The following ADAR variants were observed in gnomAD, a reference collection of about 807,000 sequenced individuals.
ADAR encodes the protein adenosine deaminase RNA specific.
Under a neutral mutation model 113.2 loss-of-function variants are expected in ADAR, and 41 were observed. That is an observed-to-expected ratio of 0.36 (90% confidence interval 0.28 to 0.47). ADAR has a LOEUF of 0.47. Among genes scored for constraint, ADAR ranks in the 20% least tolerant of loss-of-function variants. ADAR has a pLI of 1.00. For synonymous variants in ADAR, 605 were observed against 572.6 expected, an observed-to-expected ratio of 1.06 and a Z score of -0.81; for missense variants, 1,242 against 1,540.9, an observed-to-expected ratio of 0.81 and a Z score of 3.25.
chr1:154,588,233 G>A lies in ADAR; in HGVS notation c.2911C>T (p.Leu971Phe). Residue 971 changes from leucine (L) to phenylalanine (F), a missense_variant, in exon 11 of 15, where the codon CTC becomes TTC. Leu to Phe is a conservative substitution (Grantham distance 22). Coordinates refer to ENST00000368474, the MANE Select transcript of ADAR (RefSeq NM_001111.5). ...ISTAPCGDGA[L>F]FDKSCSDRAM... Reference sequence around the variant, plus strand: ...CGGTCGCTGCAGGACTTGTCAAAGAGGGCGCCATCTCCACACGGAGCAGTG... The same window carrying A: ...CGGTCGCTGCAGGACTTGTCAAAGAAGGCGCCATCTCCACACGGAGCAGTG... 6.2e-7 allele frequency: 1 copy of A among 1,614,156 alleles called. No homozygotes were observed. The highest frequency in any genetic ancestry group is 8.5e-7 in the Non-Finnish European group (1 of 1,180,044).
chr1:154,593,355 CCT>C (rs1442178597), intron 6 of ADAR, among the ~76,000 whole-genome samples: 2 of 152,294 alleles, frequency 1.3e-5, no homozygotes. Flanking sequence ...GCAGCAGTGT[CCT>C]CTGTGTCCCC....
Position 154,597,250 on chromosome 1 carries a change from G to T in ADAR, c.1952C>A (p.Ala651Glu). Residue 651 changes from alanine (A) to glutamate (E), a missense_variant, in exon 5 of 15, where the codon GCA (alanine) becomes GAA (glutamate). This residue lies in a region of ADAR where 780 missense variants were observed against 1,057.9 expected (regional missense o/e 0.74). Coordinates refer to ENST00000368474, the MANE Select transcript of ADAR (RefSeq NM_001111.5). ...AHEPKFQYCV[A>E]VGAQTFPSVS... ...ACTGGGGAAAGTTTGGGCTCCCACTGCAACACAGTATTGGAACCTGACAGG... is the reference window on the plus strand; with the variant it reads ...ACTGGGGAAAGTTTGGGCTCCCACTTCAACACAGTATTGGAACCTGACAGG... 6.2e-7 allele frequency: 1 copy of T among 1,614,192 alleles called. No individual in the cohort carries two copies. The highest frequency in any genetic ancestry group is 1.3e-5 in the African/African-American group (1 of 75,040).
At chr1:154,587,309 G>C (rs922342914) in intron 11 of ADAR, among the ~76,000 whole-genome samples, 2 of 152,156 alleles carry the variant, frequency 1.3e-5, no homozygotes, top group Non-Finnish European at 2.9e-5. Context: ...CATATTGTAA[G>C]CATGTATCAG....
chr1:154,598,370 C>A (rs754942641), intron 3 of ADAR, 32 bp downstream of exon 3: 2 of 1,608,752 alleles, frequency 1.2e-6, no homozygotes, highest in Non-Finnish European at 1.7e-6. Context: ...TGACAGGGAA[C>A]TGATCCTCCC....
At chr1:154,624,401 T>C (rs1471464005) in intron 1 of ADAR, among the ~76,000 whole-genome samples, 9 of 152,144 alleles carry the variant, frequency 5.9e-5, no homozygotes, top group Non-Finnish European at 1.2e-4. Flanking sequence ...CCAGAGGGTA[T>C]AGAAGCAGCA....
chr1:154,621,989 T>G (rs1698801898), intron 1 of ADAR, among the ~76,000 whole-genome samples: 1 of 152,124 alleles, frequency 6.6e-6, no homozygotes. Flanking sequence ...GGTGTGGGTG[T>G]GGCGTGGCTA....
At position 154,588,633 on chromosome 1, in the gene ADAR, C is replaced by T. The variant is rs1435318350; in HGVS notation, c.2803G>A (p.Ala935Thr). ...GCAGGTTCAAATATACTATCCTTCG[C>T]AGTCTGGGAGTTGTATTTCATTAAC... ...SELMKYNSQT[A>T]KDSIFEPAKG... The change falls in exon 10 of 15, where the codon GCG becomes ACG. Residue 935 changes from alanine to threonine, a missense_variant. Ala to Thr is a moderately conservative substitution (Grantham distance 58). Transcript: ENST00000368474. 6.2e-7 allele frequency: 1 copy of T among 1,614,164 alleles called. No individual in the cohort carries two copies.
intron 1 of ADAR, chr1:154,606,138 T>G (rs1033993993): frequency 1.9e-5 from 3 of 160,684 alleles, no homozygotes; most frequent in Non-Finnish European, 2.6e-5. Flanking sequence ...GCCTCCCGGG[T>G]TCAAGTGATT....
intron 1 of ADAR, among the ~76,000 whole-genome samples, chr1:154,607,755 T>C (rs1698295190): frequency 1.4e-5 from 2 of 141,002 alleles, no homozygotes; most frequent in Non-Finnish European, 1.5e-5. Context: ...ACACACACTC[T>C]CACAAGACGC....
At chr1:154,590,468 A>G (rs908088454) in intron 6 of ADAR, 59 bp from the exon 7 acceptor site, 1 of 1,550,678 alleles carries the variant, frequency 6.4e-7, no homozygotes, top group African/African-American at 1.4e-5. Context: ...TGTTCCAAGG[A>G]AGGGTTAGTT....
intron 1 of ADAR, among the ~76,000 whole-genome samples, chr1:154,604,603 C>T (rs979418232): frequency 1.3e-5 from 2 of 152,198 alleles, no homozygotes; most frequent in Non-Finnish European, 2.9e-5. Context: ...ATTGAGTACT[C>T]TTCTTTTAAA....
Position 154,598,387 on chromosome 1 carries a change from CAGG to C in ADAR, c.1785+12_1785+14del, listed in dbSNP as rs1697643591. The C allele has an allele frequency of 1.2e-6, 2 of 1,612,274 alleles. No homozygotes were observed. The highest frequency in any genetic ancestry group is 1.7e-5 in the Admixed American group (1 of 60,002). On this transcript the variant is annotated intron_variant, in intron 3 of 14. Coordinates refer to ENST00000368474, the MANE Select transcript of ADAR (RefSeq NM_001111.5). ...ACAGGGAACTGATCCTCCCAGATGG[CAGG>C]AGGACACCTACCTTCTCTGATTCTT...
Position 154,583,535 on chromosome 1 carries a change from CACA to C in ADAR, c.*1268_*1270del, listed in dbSNP as rs1329819772. ...TTTGAAGACAACCTGCCCTTTCACC[CACA>C]ACTACTGCTTTCTATGTCAACCCTA... On this transcript the variant is annotated 3_prime_UTR_variant, in exon 15 of 15. Transcript: ENST00000368474. 6.6e-6 allele frequency: 1 copy of C among 152,214 alleles called. No homozygotes were observed. The highest frequency in any genetic ancestry group is 2.4e-5 in the African/African-American group (1 of 41,432). 9.4% of individuals were successfully genotyped at this position (152,214 alleles called of 1,614,324 possible).
chr1:154,597,814 C>T lies in ADAR; in HGVS notation c.1934+14G>A, dbSNP rs763871893. On this transcript the variant is annotated intron_variant, in intron 4 of 14. Transcript: ENST00000368474. Reference sequence around the variant, plus strand: ...GAGAAAACCTCAGCTGGACAGAGGACACGTAGGACATACTTGGGTTCATGG... The same window carrying T: ...GAGAAAACCTCAGCTGGACAGAGGATACGTAGGACATACTTGGGTTCATGG... The T allele has an allele frequency of 2.5e-6, 4 of 1,614,006 alleles. No homozygotes were observed. The South Asian group carries it at 4.4e-5, about 18-fold the overall frequency.
At chr1:154,620,494 G>A (rs972022671) in intron 1 of ADAR, among the ~76,000 whole-genome samples, 1 of 151,962 alleles carries the variant, frequency 6.6e-6, no homozygotes, top group African/African-American at 2.4e-5. Flanking sequence ...ACTGTTCATA[G>A]AGCTTTATTC....
intron 1 of ADAR, among the ~76,000 whole-genome samples, chr1:154,613,876 C>G (rs1380306238): frequency 1.4e-5 from 2 of 146,306 alleles, no homozygotes; most frequent in Admixed American, 7.1e-5. Flanking sequence ...TGCACTCCAC[C>G]CTGAGCAACA....
In ADAR at chr1:154,590,276, T is replaced by C. The variant is rs780266671; in HGVS notation, c.2404A>G (p.Met802Val). 5.0e-6 allele frequency: 8 copies of C among 1,613,914 alleles called. No individual in the cohort carries two copies. The highest frequency in any genetic ancestry group is 2.7e-5 in the African/African-American group (2 of 74,854). The change falls in exon 7 of 15, where the codon ATG becomes GTG. Residue 802 changes from methionine (M) to valine (V), a missense_variant. Physicochemically the swap from Met to Val is conservative, Grantham distance 21. Around this residue, in one of 2 missense-constraint regions of ADAR, gnomAD observed 780 missense variants for 1,057.9 expected, o/e 0.74. Coordinates refer to ENST00000368474, the MANE Select transcript of ADAR (RefSeq NM_001111.5). ...LIGENEKAER[M>V]GFTEVTPVTG... ...ACTGGGGTTACCTCTGTGAAACCCA[T>C]GCGTTCTGCCTTCTCGTTCTCCCCA...
chr1:154,590,027 C>A, intron 7 of ADAR, 99 bp from the exon 8 acceptor site: 1 of 1,533,648 alleles, frequency 6.5e-7, no homozygotes, highest in South Asian at 1.1e-5. Flanking sequence ...TCGTGTGAGT[C>A]ATCTTTTCCT....
chr1:154,612,787 C>T (rs925712002), upstream of ADAR, among the ~76,000 whole-genome samples: 2 of 151,976 alleles, frequency 1.3e-5, no homozygotes, highest in African/African-American at 4.8e-5. Flanking sequence ...TCCACTACAA[C>T]AGTTCCTAAC....
Sources: gnomAD v4.1 joint callset for allele counts (sites outside exome capture counted in the v4.1 genomes callset) on GRCh38, gnomAD v4.1.1 for gene constraint, gnomAD v4.1.1 regional missense constraint, MANE v1.5 for transcripts, NCBI Gene and HGNC (gene_info 2026-07-23, HGNC 2026-07-21) for gene names.